The following PRKCB variants were observed in gnomAD, a reference collection of about 807,000 sequenced individuals.
PRKCB encodes protein kinase C beta type.
Under a neutral mutation model 81.5 loss-of-function variants are expected in PRKCB, and 13 were observed. That is an observed-to-expected ratio of 0.16 (90% confidence interval 0.10 to 0.25). The LOEUF is 0.25. PRKCB is among the 10% of genes least tolerant of loss of function. The probability of loss-of-function intolerance (pLI) is 1.00; values close to 1 mark genes in which losing one functional copy is unlikely to be tolerated. For synonymous variants in PRKCB, 335 were observed against 321.4 expected (o/e 1.04, Z -0.45); for missense variants, 509 against 875.7 (o/e 0.58, Z 5.29).
intron 9 of PRKCB, among the ~76,000 whole-genome samples, chr16:24,128,885 C>T (rs1050381979): frequency 6.6e-6 from 1 of 151,962 alleles, no homozygotes; most frequent in Non-Finnish European, 1.5e-5. Context: ...TGAGTTTTGC[C>T]AACGTCTTTC....
At chr16:23,916,090 G>T (rs544091551) in intron 2 of PRKCB, among the ~76,000 whole-genome samples, 1 of 152,048 alleles carries the variant, frequency 6.6e-6, no homozygotes, top group East Asian at 1.9e-4. Flanking sequence ...ATCTTGCTCA[G>T]TTGCCCAGGC....
chr16:23,960,983 G>A (rs989902470), intron 2 of PRKCB, among the ~76,000 whole-genome samples: 2 of 152,136 alleles, frequency 1.3e-5, no homozygotes, highest in Admixed American at 1.3e-4. Flanking sequence ...TGGCTTTTGT[G>A]ACACGTAATA....
chr16:24,126,022 G>C (rs527963951), intron 9 of PRKCB, among the ~76,000 whole-genome samples: 41 of 152,356 alleles, frequency 2.7e-4, no homozygotes, highest in African/African-American at 9.6e-4. Context: ...GGGATTAGTA[G>C]AATCAGTGAA....
At chr16:24,115,622 G>A (rs1966729032) in intron 8 of PRKCB, among the ~76,000 whole-genome samples, 1 of 150,420 alleles carries the variant, frequency 6.6e-6, no homozygotes, top group South Asian at 2.1e-4. Context: ...TATCCCAAGA[G>A]CATTTACCCA....
At chr16:24,053,997 G>A (rs185510946) in intron 5 of PRKCB, among the ~76,000 whole-genome samples, 2 of 152,148 alleles carry the variant, frequency 1.3e-5, no homozygotes, top group Admixed American at 6.5e-5. Flanking sequence ...TTTAGATACA[G>A]GTTCTCACTG....
chr16:24,213,006 A>ATGTTTATT (rs1555502936), intron 16 of PRKCB, among the ~76,000 whole-genome samples: 27 of 143,816 alleles, frequency 1.9e-4, no homozygotes, highest in African/African-American at 7.0e-4. Context: ...CCGTACTTGT[A>ATGTTTATT]TATTTATTTA....
chr16:24,150,025 C>T lies in PRKCB; in HGVS notation c.1066-4659C>T, dbSNP rs181831390. On this transcript the variant is annotated intron_variant, in intron 9 of 16. Coordinates refer to ENST00000643927, the MANE Select transcript of PRKCB (RefSeq NM_002738.7). Reference sequence around the variant, plus strand: ...TCTATTTTATTCCTCTTTGCCTGCACAGTGGTAGAAAAGGACCACGCTAGG... The same window carrying T: ...TCTATTTTATTCCTCTTTGCCTGCATAGTGGTAGAAAAGGACCACGCTAGG... Among the ~76,000 whole-genome samples, 3 of 152,252 alleles carry T rather than the reference C, an allele frequency of 2.0e-5. No homozygotes were observed. The East Asian group carries it at 5.8e-4, about 29-fold the overall frequency.
intron 10 of PRKCB, among the ~76,000 whole-genome samples, chr16:24,163,061 C>T (rs576904831): frequency 6.6e-6 from 1 of 152,274 alleles, no homozygotes; most frequent in Admixed American, 6.5e-5. Context: ...CTGGCAAATT[C>T]CCTGCATTTC....
At chr16:24,133,631 T>C (rs1966856840) in intron 9 of PRKCB, among the ~76,000 whole-genome samples, 2 of 152,212 alleles carry the variant, frequency 1.3e-5, no homozygotes, top group Admixed American at 6.5e-5. Flanking sequence ...CTGCCCATTA[T>C]CGCCAACGTT....
intron 2 of PRKCB, among the ~76,000 whole-genome samples, chr16:23,897,209 G>T (rs887191227): frequency 6.6e-6 from 1 of 152,204 alleles, no homozygotes; most frequent in Non-Finnish European, 1.5e-5. Context: ...GAAGGCACAC[G>T]TGCTGTGCTC....
At chr16:24,113,746 A>G (rs142531951) in intron 8 of PRKCB, among the ~76,000 whole-genome samples, 97 of 152,066 alleles carry the variant, frequency 6.4e-4, no homozygotes, top group Non-Finnish European at 1.3e-3. Context: ...AGGTTGTTTT[A>G]TCTCCTAGAA....
chr16:24,020,277 A>T (rs1965341400), intron 3 of PRKCB, among the ~76,000 whole-genome samples: 2 of 152,356 alleles, frequency 1.3e-5, no homozygotes, highest in Admixed American at 6.5e-5. Context: ...TTTCATTTTT[A>T]AAAATAGGTT....
intron 8 of PRKCB, among the ~76,000 whole-genome samples, chr16:24,114,123 G>A (rs578137472): frequency 4.0e-5 from 6 of 150,614 alleles, no homozygotes; most frequent in Non-Finnish European, 8.9e-5. Context: ...GAAGGCTGAG[G>A]CACAAGAATT....
At chr16:24,093,633 G>A (rs184712807) in intron 6 of PRKCB, among the ~76,000 whole-genome samples, 65 of 152,206 alleles carry the variant, frequency 4.3e-4, no homozygotes, top group African/African-American at 1.5e-3. Context: ...TGACTTTAGC[G>A]GTCATACTTT....
rs144114259 is a variant in PRKCB, at chr16:23,846,381, G to T, written c.205+8975G>T. Among the ~76,000 whole-genome samples, 28 of 152,106 alleles carry T rather than the reference G, an allele frequency of 1.8e-4. 1 individual carries two copies. The highest frequency in any genetic ancestry group is 3.4e-3 in the Middle Eastern group (1 of 294). On this transcript the variant is annotated intron_variant, in intron 2 of 16. Coordinates refer to ENST00000643927, the MANE Select transcript of PRKCB (RefSeq NM_002738.7). ...TCCCAGCACTTTGGGAGGCTGAGGT[G>T]GGTGGATCATCTGAGGTCAGGAATT...
chr16:23,870,329 G>A (rs978544014), intron 2 of PRKCB, among the ~76,000 whole-genome samples: 1 of 152,156 alleles, frequency 6.6e-6, no homozygotes, highest in Non-Finnish European at 1.5e-5. Context: ...ACAATGGGGG[G>A]TGTCCCTTTC....
intron 7 of PRKCB, among the ~76,000 whole-genome samples, chr16:24,110,509 C>CTTTTTTTTTT (rs777132623): frequency 1.6e-5 from 2 of 125,326 alleles, no homozygotes. Context: ...CCATGCCCAA[C>CTTTTTTTTTT]CTTTTTTTTT....
intron 2 of PRKCB, among the ~76,000 whole-genome samples, chr16:23,959,006 T>G (rs1361161276): frequency 1.3e-5 from 2 of 152,202 alleles, no homozygotes; most frequent in Admixed American, 6.5e-5. Context: ...TCACCTCAAT[T>G]TCTCCATTTG....
intron 2 of PRKCB, among the ~76,000 whole-genome samples, chr16:23,955,230 GCA>G (rs10543098): frequency 0.92 from 136,838 of 149,396 alleles, 62,767 homozygotes; most frequent in East Asian, 0.99. Context: ...ACACACACAT[GCA>G]CACACACACA....
Sources: allele counts gnomAD v4.1 joint callset (sites outside exome capture counted in the v4.1 genomes callset), GRCh38; gene constraint gnomAD v4.1.1; transcripts MANE v1.5; gene names NCBI Gene and HGNC (gene_info 2026-07-23, HGNC 2026-07-21).